DLST: variants seen among roughly 807,000 people sequenced by gnomAD.
DLST encodes the protein dihydrolipoamide S-succinyltransferase, also known as dihydrolipoyllysine-residue succinyltransferase component of 2-oxoglutarate dehydrogenase complex, mitochondrial.
A neutral mutation model predicts 53.1 loss-of-function variants in DLST; 17 were observed. The observed-to-expected ratio is 0.32, with a 90% confidence interval of 0.22 to 0.48. The LOEUF (loss-of-function observed/expected upper bound fraction) is 0.48. Among genes scored for constraint, DLST ranks in the 20% least tolerant of loss-of-function variants. The pLI, the probability that DLST is intolerant of heterozygous loss-of-function variation, is 0.99. For missense variants in DLST, 512 were observed against 583.9 expected (o/e 0.88, Z 1.27); for synonymous variants, 206 against 204.8 (o/e 1.01, Z -0.05).
intron 14 of DLST, among the ~76,000 whole-genome samples, chr14:74,901,776 G>GACTAC (rs1438467672): frequency 2.6e-5 from 4 of 152,110 alleles, no homozygotes; most frequent in Non-Finnish European, 5.9e-5. Flanking sequence ...ACAGTCTGTA[G>GACTAC]ATCTTCCTGG....
chr14:74,902,280 A>G lies in DLST; in HGVS notation c.1312A>G (p.Lys438Glu). ...CAGAGAGGCTGTGACTTTCCTCCGC[A>G]AAATCAAGGCAGCGGTAGAGGATCC... ...DGREAVTFLR[K>E]IKAAVEDPRV... The change falls in exon 15 of 15, where the codon AAA becomes GAA. Residue 438 changes from lysine (K) to glutamate (E), a missense_variant. Lys to Glu is a moderately conservative substitution (Grantham distance 56). This residue lies in a region of DLST where 186 missense variants were observed against 260.4 expected (regional missense o/e 0.71). Transcript: ENST00000334220. 1.2e-6 allele frequency: 2 copies of G among 1,613,540 alleles called. No individual in the cohort carries two copies. Among genetic ancestry groups the G allele is most frequent in the Non-Finnish European group, 1.7e-6 (2 of 1,179,702 alleles).
chr14:74,884,880 A>G (rs528031101), intron 2 of DLST, among the ~76,000 whole-genome samples: 1 of 152,310 alleles, frequency 6.6e-6, no homozygotes, highest in South Asian at 2.1e-4. Flanking sequence ...AGAATTCAGA[A>G]GAGGCAGCTG....
At position 74,883,507 on chromosome 14, in the gene DLST, T is replaced by TTAGATTTTATCCTAGCAGTTAAAA. The variant is rs1459475056; in HGVS notation, c.97+884_97+907dup. Among the ~76,000 whole-genome samples the TTAGATTTTATCCTAGCAGTTAAAA allele has an allele frequency of 2.2e-3, 338 of 152,118 alleles. 5 individuals carry two copies. The highest frequency in any genetic ancestry group is 0.015 in the South Asian group (71 of 4,814). On this transcript the variant is annotated intron_variant, in intron 2 of 14. Transcript: ENST00000334220. ...AAGATGGTATAGAGACTGAAGGAGT[T>TTAGATTTTATCCTAGCAGTTAAAA]TAGATTTTATCCTAGCAGTTAAAAA...
intron 9 of DLST, 96 bp from the exon 10 acceptor site, chr14:74,894,216 A>G (rs1884001034): frequency 1.4e-6 from 2 of 1,458,290 alleles, no homozygotes; most frequent in Admixed American, 3.7e-5. Context: ...GTCCTTGGCC[A>G]TCTACTCGTG....
chr14:74,883,377 T>G (rs1883598716), intron 2 of DLST, among the ~76,000 whole-genome samples: 1 of 151,770 alleles, frequency 6.6e-6, no homozygotes. Context: ...AGAATGGCAT[T>G]CACAAAGACC....
Position 74,882,580 on chromosome 14 carries a change from T to C in DLST, c.64-11T>C. ...CTTGGGTGACGTCGATAATGTCTTCTTTCTCAACAGGGGAACTGCCCTCTA... is the reference window on the plus strand; with the variant it reads ...CTTGGGTGACGTCGATAATGTCTTCCTTCTCAACAGGGGAACTGCCCTCTA... On this transcript the variant is annotated splice_polypyrimidine_tract_variant and intron_variant, in intron 1 of 14. Transcript: ENST00000334220. The C allele has an allele frequency of 6.2e-7, 1 of 1,613,784 alleles. No homozygotes were observed. Among genetic ancestry groups the C allele is most frequent in the Non-Finnish European group, 8.5e-7 (1 of 1,179,834 alleles).
At chr14:74,897,121 C>T (rs1189563533) in intron 10 of DLST, among the ~76,000 whole-genome samples, 1 of 152,218 alleles carries the variant, frequency 6.6e-6, no homozygotes, top group Non-Finnish European at 1.5e-5. Flanking sequence ...ACATCTCTTT[C>T]CCTCTTCTGC....
In DLST at chr14:74,901,122, C is replaced by T; in HGVS notation, c.1116C>T (p.Ser372=). ...EDMDGGTFTI[S]NGGVFGSLFG... ...TGGATGGCGGTACCTTCACCATTAGCAATGGAGGCGTTTTTGGCTCGCTCT... is the reference window on the plus strand; with the variant it reads ...TGGATGGCGGTACCTTCACCATTAGTAATGGAGGCGTTTTTGGCTCGCTCT... Residue 372 remains serine, a synonymous_variant, in exon 14 of 15, where the codon AGC becomes AGT. Coordinates refer to ENST00000334220, the MANE Select transcript of DLST (RefSeq NM_001933.5). 6.2e-7 allele frequency: 1 copy of T among 1,614,184 alleles called. No individual in the cohort carries two copies. The highest frequency in any genetic ancestry group is 1.3e-5 in the African/African-American group (1 of 75,060).
At position 74,893,376 on chromosome 14, in the gene DLST, A is replaced by G; in HGVS notation, c.624A>G (p.Pro208=). Residue 208 remains proline, a synonymous_variant, in exon 9 of 15, where the codon CCA becomes CCG. Coordinates refer to ENST00000334220, the MANE Select transcript of DLST (RefSeq NM_001933.5). ...CTGCAGTAAAACCCACTGTTGCCCC[A>G]CCACTAGCTGAGCCAGGAGCTGGCA... ...PVSAVKPTVA[P]PLAEPGAGKG... The G allele has an allele frequency of 6.2e-7, 1 of 1,614,180 alleles. No individual in the cohort carries two copies. The highest frequency in any genetic ancestry group is 8.5e-7 in the Non-Finnish European group (1 of 1,180,032).
chr14:74,894,087 G>A (rs1256461295), intron 9 of DLST, among the ~76,000 whole-genome samples: 1 of 152,128 alleles, frequency 6.6e-6, no homozygotes, highest in Non-Finnish European at 1.5e-5. Flanking sequence ...TTCATTCTTG[G>A]TCAAGCTTTA....
chr14:74,895,245 G>A (rs906874910), intron 10 of DLST, among the ~76,000 whole-genome samples: 2 of 152,182 alleles, frequency 1.3e-5, no homozygotes, highest in African/African-American at 4.8e-5. Flanking sequence ...AGCTCTGACA[G>A]TGAAATGGAA....
At chr14:74,892,209 A>T (rs1287737309) in intron 7 of DLST, among the ~76,000 whole-genome samples, 3 of 152,148 alleles carry the variant, frequency 2.0e-5, no homozygotes, top group African/African-American at 4.8e-5. Flanking sequence ...CAGCCTGCCG[A>T]GTAGCTGGGA....
chr14:74,894,630 C>T (rs1360664299), intron 10 of DLST, among the ~76,000 whole-genome samples: 2 of 152,094 alleles, frequency 1.3e-5, no homozygotes, highest in Non-Finnish European at 2.9e-5. Context: ...ACTGCAAGCT[C>T]CGCCTCCCGG....
At chr14:74,901,332 T>G in intron 14 of DLST, 99 bp downstream of exon 14, 2 of 1,220,810 alleles carry the variant, frequency 1.6e-6, no homozygotes, top group African/African-American at 1.5e-5. Flanking sequence ...ATTTCAGGCC[T>G]AAGTTCCATT....
At chr14:74,883,563 G>C (rs1190969487) in intron 2 of DLST, among the ~76,000 whole-genome samples, 2 of 151,914 alleles carry the variant, frequency 1.3e-5, no homozygotes, top group Non-Finnish European at 2.9e-5. Context: ...CTTTTTTTCT[G>C]TTATATGCCT....
intron 10 of DLST, among the ~76,000 whole-genome samples, chr14:74,895,585 C>T (rs1884051657): frequency 6.6e-6 from 1 of 151,516 alleles, no homozygotes; most frequent in Non-Finnish European, 1.5e-5. Context: ...GCAAGACTGT[C>T]TCTACATAAA....
Position 74,881,926 on chromosome 14 carries a change from T to TCCGTCCGGCCCTATATCCGGTGC in DLST, c.-25_-24insTCCGGCCCTATATCCGGTGCCCG. The TCCGTCCGGCCCTATATCCGGTGC allele has an allele frequency of 1.3e-6, 2 of 1,520,690 alleles. No individual in the cohort carries two copies. Among genetic ancestry groups the TCCGTCCGGCCCTATATCCGGTGC allele is most frequent in the Non-Finnish European group, 1.8e-6 (2 of 1,139,918 alleles). 94.2% of individuals were successfully genotyped at this position (1,520,690 alleles called of 1,614,324 possible). Reference sequence around the variant, plus strand: ...TTGTTGTCCGGCCCTATATCCGGTGTCCGCCCGCCCTCGGCTCCTCCGCCG... The same window carrying TCCGTCCGGCCCTATATCCGGTGC: ...TTGTTGTCCGGCCCTATATCCGGTGTCCGTCCGGCCCTATATCCGGTGCCCGCCCGCCCTCGGCTCCTCCGCCG... On this transcript the variant is annotated 5_prime_UTR_variant, in exon 1 of 15. Transcript: ENST00000334220.
rs1253801582 is a variant in DLST at position 74,881,916 on chromosome 14, A to G, written c.-38A>G. 2.7e-6 allele frequency: 4 copies of G among 1,507,090 alleles called. No individual in the cohort carries two copies. Among genetic ancestry groups the G allele is most frequent in the East Asian group, 2.7e-5 (1 of 37,364 alleles). 93.4% of individuals were successfully genotyped at this position (1,507,090 alleles called of 1,614,324 possible). Reference sequence around the variant, plus strand: ...CCACTTCCGGTTGTTGTCCGGCCCTATATCCGGTGTCCGCCCGCCCTCGGC... The same window carrying G: ...CCACTTCCGGTTGTTGTCCGGCCCTGTATCCGGTGTCCGCCCGCCCTCGGC... On this transcript the variant is annotated 5_prime_UTR_variant, in exon 1 of 15. Coordinates refer to ENST00000334220, the MANE Select transcript of DLST (RefSeq NM_001933.5).
intron 2 of DLST, 59 bp downstream of exon 2, chr14:74,882,683 A>T (rs1361019393): frequency 6.5e-7 from 1 of 1,532,552 alleles, no homozygotes; most frequent in Non-Finnish European, 9.0e-7. Context: ...GCAGTATGTG[A>T]GGAACTCGGG....
Sources: gnomAD v4.1 joint callset for allele counts (sites outside exome capture counted in the v4.1 genomes callset) on GRCh38, gnomAD v4.1.1 for gene constraint, gnomAD v4.1.1 regional missense constraint, MANE v1.5 for transcripts, NCBI Gene and HGNC (gene_info 2026-07-23, HGNC 2026-07-21) for gene names.